Variants in DSCAM observed in about 807,000 individuals in gnomAD.
The protein encoded by DSCAM is cell adhesion molecule DSCAM.
DSCAM carries 47 observed loss-of-function variants against 217.7 expected under a neutral mutation model. That is an observed-to-expected ratio of 0.22 (90% CI 0.17 to 0.28). The LOEUF (loss-of-function observed/expected upper bound fraction) is 0.28. Among genes scored for constraint, DSCAM ranks in the 10% least tolerant of loss-of-function variants. The pLI is 1.00. For synonymous variants in DSCAM, 1,056 were observed against 1,015.3 expected (o/e 1.04, Z -0.76); for missense variants, 2,080 against 2,618.3 (o/e 0.79, Z 4.49).
At position 40,187,151 on chromosome 21, in the gene DSCAM, A is replaced by G. The variant is rs753683340; in HGVS notation, c.2759T>C (p.Ile920Thr). The G allele has an allele frequency of 1.2e-6, 2 of 1,613,938 alleles. No individual in the cohort carries two copies. The highest frequency in any genetic ancestry group is 1.1e-5 in the South Asian group (1 of 91,056). The change falls in exon 14 of 33, where the codon ATT becomes ACT. Residue 920 changes from isoleucine to threonine, a missense_variant. This residue lies in a region of DSCAM where 1,144 missense variants were observed against 1,421.1 expected (regional missense o/e 0.81). Coordinates refer to ENST00000400454, the MANE Select transcript of DSCAM (RefSeq NM_001389.5). ...DGNSPITGYD[I>T]ECKNKSDSWD... ...CTTACCTGATTTATTTTTGCATTCA[A>G]TATCGTAGCCTGTGATGGGACTGTT...
rs146539748 is a variant in DSCAM, at chr21:40,608,117, G to A, written c.508+84693C>T. 7.0e-3 allele frequency among the ~76,000 whole-genome samples: 1,072 copies of A among 152,290 alleles called. 10 individuals carry two copies. The highest frequency in any genetic ancestry group is 5.4e-3 in the Non-Finnish European group (368 of 68,030). On this transcript the variant is annotated intron_variant, in intron 3 of 32. Coordinates refer to ENST00000400454, the MANE Select transcript of DSCAM (RefSeq NM_001389.5). Reference sequence around the variant, plus strand: ...TAAAGAGCACCATAAATGGTAGGAGGAGACTGATTATAAAATATACATAAT... The same window carrying A: ...TAAAGAGCACCATAAATGGTAGGAGAAGACTGATTATAAAATATACATAAT...
intron 15 of DSCAM, among the ~76,000 whole-genome samples, chr21:40,175,770 A>AACACACACACACACACACACACACAC (rs1329501944): frequency 1.6e-5 from 2 of 126,354 alleles, no homozygotes; most frequent in African/African-American, 3.2e-5. Context: ...ATATTTTCTC[A>AACACACACACACACACACACACACAC]ACACACACAT....
chr21:40,276,331 G>C (rs1403376835), intron 10 of DSCAM, 61 bp from the exon 11 acceptor site: 2 of 1,479,766 alleles, frequency 1.4e-6, no homozygotes, highest in African/African-American at 1.4e-5. Flanking sequence ...GGAAGACAAC[G>C]AGTTCAAGTA....
intron 14 of DSCAM, among the ~76,000 whole-genome samples, chr21:40,180,989 T>C (rs1239795038): frequency 2.0e-5 from 3 of 151,870 alleles, no homozygotes; most frequent in Non-Finnish European, 2.9e-5. Flanking sequence ...GACTTATAAA[T>C]CCTCTCTGAT....
At position 40,846,616 on chromosome 21, in the gene DSCAM, C is replaced by G; in HGVS notation, c.43+3G>C. 7.5e-7 allele frequency: 1 copy of G among 1,339,406 alleles called. No homozygotes were observed. Among genetic ancestry groups the G allele is most frequent in the Non-Finnish European group, 9.6e-7 (1 of 1,041,184 alleles). The allele number at this position is 1,339,406 out of a possible 1,614,324, so 83.0% of individuals were successfully genotyped here. A position where few individuals can be genotyped will look rare whatever the true frequency, so the allele number is the denominator to read the frequency against. On this transcript the variant is annotated splice_donor_region_variant and intron_variant, in intron 1 of 32. Transcript: ENST00000400454. ...GAAATTCATCACAAACCGAAAGGCT[C>G]ACCATTCGCGAAGCTCTGGAACAAG...
chr21:40,828,732 T>C (rs796668349), intron 1 of DSCAM, among the ~76,000 whole-genome samples: 1 of 149,242 alleles, frequency 6.7e-6, no homozygotes, highest in Non-Finnish European at 1.5e-5. Context: ...CTCAGCTCAC[T>C]GCAACCTCCG....
In DSCAM at chr21:40,078,791, T is replaced by TACAGGATGTAGG. The variant is rs771438658; in HGVS notation, c.4595_4606dup (p.Ser1532_Leu1535dup). 6.2e-7 allele frequency: 1 copy of TACAGGATGTAGG among 1,614,230 alleles called. No individual in the cohort carries two copies. The highest frequency in any genetic ancestry group is 2.2e-5 in the East Asian group (1 of 44,872). On this transcript the variant is annotated inframe_insertion, in exon 26 of 33. Transcript: ENST00000400454. ...ATACCAGGTGGCTTCCTGCAGGTCA[T>TACAGGATGTAGG]ACAGGATGTAGGACTTGGAGAGAGA...
intron 3 of DSCAM, among the ~76,000 whole-genome samples, chr21:40,619,052 C>T (rs2089444700): frequency 6.6e-6 from 1 of 151,946 alleles, no homozygotes; most frequent in African/African-American, 2.4e-5. Flanking sequence ...AAAAGGAAAG[C>T]TCAAATATAA....
In DSCAM at chr21:40,144,428, G is replaced by A. The variant is rs181756400; in HGVS notation, c.3259+63C>T. The A allele has an allele frequency of 4.3e-4, 688 of 1,595,138 alleles. 4 individuals carry two copies. In the African/African-American group the frequency reaches 7.1e-3, roughly 17 times the overall value. Reference sequence around the variant, plus strand: ...GGGAGTGCGAGGTTGGGGGAGCCCCGGGGCAGACCCGAGGGAACCTTTGCG... The same window carrying A: ...GGGAGTGCGAGGTTGGGGGAGCCCCAGGGCAGACCCGAGGGAACCTTTGCG... On this transcript the variant is annotated intron_variant, in intron 17 of 32. Transcript: ENST00000400454. The surrounding 1 kb of genome is among the most constrained non-coding windows in gnomAD (Gnocchi z 4.8).
chr21:40,289,869 G>A (rs1042797631), intron 10 of DSCAM, among the ~76,000 whole-genome samples: 2 of 152,084 alleles, frequency 1.3e-5, no homozygotes, highest in African/African-American at 2.4e-5. Flanking sequence ...CAGGTATTAC[G>A]ACTTAGATGA....
chr21:40,133,876 G>C lies in DSCAM; in HGVS notation c.3540C>G (p.Ile1180Met). ...RAGDGVRSEQ[I>M]FTRTKEDVPG... ...CACCATCCTCTTTGGTCCGGGTGAA[G>C]ATCTGCTCACTCCTGACCCCGTCTC... The change falls in exon 19 of 33, where the codon ATC becomes ATG. Residue 1180 changes from isoleucine to methionine, a missense_variant. By Grantham distance (10) the Ile-to-Met change is conservative (BLOSUM62 1). Transcript: ENST00000400454. 6.2e-7 allele frequency: 1 copy of C among 1,610,944 alleles called. No individual in the cohort carries two copies. Among genetic ancestry groups the C allele is most frequent in the Non-Finnish European group, 8.5e-7 (1 of 1,178,706 alleles).
rs1568955304 is a variant in DSCAM at position 40,637,624 on chromosome 21, CA to C, written c.508+55185del. On this transcript the variant is annotated intron_variant, in intron 3 of 32. Coordinates refer to ENST00000400454, the MANE Select transcript of DSCAM (RefSeq NM_001389.5). ...ATATATAAATATATATAAATATATA[CA>C]TATATAAATATATATAAATATATAT... Among the ~76,000 whole-genome samples the C allele has an allele frequency of 7.6e-3, 254 of 33,234 alleles. 9 individuals are homozygous for C. The highest frequency in any genetic ancestry group is 0.023 in the African/African-American group (207 of 9,168). The allele number at this position is 33,234 out of a possible 152,430, so 21.8% of individuals were successfully genotyped here. A position where few individuals can be genotyped will look rare whatever the true frequency, so the allele number is the denominator to read the frequency against.
intron 2 of DSCAM, among the ~76,000 whole-genome samples, chr21:40,696,857 T>C (rs778316894): frequency 6.6e-6 from 1 of 152,204 alleles, no homozygotes; most frequent in Non-Finnish European, 1.5e-5. Flanking sequence ...TGTATAATCA[T>C]AAAATCAGGG....
chr21:40,621,731 A>G (rs1004349752), intron 3 of DSCAM, among the ~76,000 whole-genome samples: 8 of 151,888 alleles, frequency 5.3e-5, no homozygotes, highest in Non-Finnish European at 7.4e-5. Flanking sequence ...GGGAGTTCGT[A>G]AATTTATTTA....
At chr21:40,057,633 C>T (rs1310595530) in intron 28 of DSCAM, among the ~76,000 whole-genome samples, 1 of 152,216 alleles carries the variant, frequency 6.6e-6, no homozygotes, top group Non-Finnish European at 1.5e-5. Flanking sequence ...CAGATTGCCA[C>T]AGGAAGCAGG....
At chr21:40,685,274 G>A (rs1256674472) in intron 3 of DSCAM, among the ~76,000 whole-genome samples, 1 of 152,196 alleles carries the variant, frequency 6.6e-6, no homozygotes, top group Admixed American at 6.5e-5. Context: ...GTCTTATGAA[G>A]GGCTGCTTGC....
intron 5 of DSCAM, among the ~76,000 whole-genome samples, chr21:40,350,646 G>A (rs1569078700): frequency 6.6e-6 from 1 of 151,990 alleles, no homozygotes; most frequent in Admixed American, 6.6e-5. Flanking sequence ...GGAGGAGGGT[G>A]GATGGGAAGA....
At chr21:40,766,388 A>T (rs976922456) in intron 1 of DSCAM, among the ~76,000 whole-genome samples, 1 of 152,188 alleles carries the variant, frequency 6.6e-6, no homozygotes, top group African/African-American at 2.4e-5. Context: ...GATAGCTGAT[A>T]TATGACATTC....
At chr21:40,342,644 A>ATTTTT (rs148949132) in intron 6 of DSCAM, among the ~76,000 whole-genome samples, 2 of 89,326 alleles carry the variant, frequency 2.2e-5, no homozygotes, top group African/African-American at 4.8e-5. Flanking sequence ...ATATATATAT[A>ATTTTT]TATATTTTTT....
Sources: allele counts gnomAD v4.1 joint callset (sites outside exome capture counted in the v4.1 genomes callset), GRCh38; gene constraint gnomAD v4.1.1; regional missense constraint gnomAD v4.1.1; non-coding constraint Gnocchi (gnomAD v3.1); transcripts MANE v1.5; gene names NCBI Gene and HGNC (gene_info 2026-07-23, HGNC 2026-07-21).